The following SLC23A2 variants were observed in gnomAD, a reference collection of about 807,000 sequenced individuals.
SLC23A2 encodes the protein Na(+)/L-ascorbic acid transporter 2.
SLC23A2 carries 36 observed loss-of-function variants against 73.3 expected under a neutral mutation model. That is an observed-to-expected ratio of 0.49 (90% confidence interval 0.38 to 0.65). The LOEUF (loss-of-function observed/expected upper bound fraction) is 0.65. Ranked by LOEUF, SLC23A2 falls within the 30% of genes least tolerant of loss-of-function variation. The probability of loss-of-function intolerance (pLI) is 0.00; values close to 1 mark genes in which losing one functional copy is unlikely to be tolerated. For missense variants in SLC23A2, 507 were observed against 841.6 expected (o/e 0.60, Z 4.92); for synonymous variants, 343 against 327.3 (o/e 1.05, Z -0.52).
intron 11 of SLC23A2, among the ~76,000 whole-genome samples, chr20:4,873,358 C>T (rs748898685): frequency 3.9e-5 from 6 of 152,132 alleles, no homozygotes; most frequent in East Asian, 1.9e-4. Flanking sequence ...GGGCCAGCTG[C>T]GAGTCCAGGT....
At chr20:5,008,130 G>C (rs180983862) in intron 1 of SLC23A2, among the ~76,000 whole-genome samples, 29 of 152,006 alleles carry the variant, frequency 1.9e-4, no homozygotes, top group Non-Finnish European at 3.8e-4. Context: ...GGCTGCTCTC[G>C]AACTCCTGAC....
intron 6 of SLC23A2, among the ~76,000 whole-genome samples, chr20:4,888,195 T>G (rs1411054589): frequency 6.6e-6 from 1 of 152,218 alleles, no homozygotes; most frequent in Non-Finnish European, 1.5e-5. Flanking sequence ...AACCAGCCAG[T>G]GGGCCAAACC....
At chr20:4,930,882 G>A (rs1481124523) in intron 3 of SLC23A2, among the ~76,000 whole-genome samples, 1 of 151,644 alleles carries the variant, frequency 6.6e-6, no homozygotes, top group East Asian at 1.9e-4. Flanking sequence ...AACTACTCAA[G>A]AGTCTAAGTC....
intron 3 of SLC23A2, among the ~76,000 whole-genome samples, chr20:4,919,321 G>A (rs1932427627): frequency 6.6e-6 from 1 of 152,156 alleles, no homozygotes; most frequent in South Asian, 2.1e-4. Flanking sequence ...GATGCTGCTG[G>A]ATGGCTCAGC....
At chr20:4,940,160 A>C (rs1463015549) in intron 2 of SLC23A2, among the ~76,000 whole-genome samples, 1 of 152,098 alleles carries the variant, frequency 6.6e-6, no homozygotes, top group Non-Finnish European at 1.5e-5. Flanking sequence ...TCTACCAAAA[A>C]TACAAAAAAT....
chr20:4,980,653 C>T (rs1157580135), intron 1 of SLC23A2, among the ~76,000 whole-genome samples: 1 of 151,726 alleles, frequency 6.6e-6, no homozygotes, highest in Admixed American at 6.6e-5. Flanking sequence ...GTGTCAGCTT[C>T]CCTAATAGCT....
intron 1 of SLC23A2, among the ~76,000 whole-genome samples, chr20:4,986,689 C>CACACAGAG (rs71197739): frequency 0.022 from 2,815 of 129,552 alleles, 33 homozygotes; most frequent in Admixed American, 0.029. Flanking sequence ...CACACACACA[C>CACACAGAG]AGAGATGAAT....
chr20:4,857,447 A>G lies in SLC23A2; in HGVS notation c.1721-243T>C, dbSNP rs1929771959. On this transcript the variant is annotated intron_variant, in intron 16 of 16. Transcript: ENST00000338244. This position sits in a 1 kb window ranked among gnomAD's most constrained non-coding sequence, Gnocchi z 4.0. Reference sequence around the variant, plus strand: ...AAGTCTAAGAAGCACTAACCCCTCCATGTCCTCATTCAAGCAATCACCTAA... The same window carrying G: ...AAGTCTAAGAAGCACTAACCCCTCCGTGTCCTCATTCAAGCAATCACCTAA... Among the ~76,000 whole-genome samples, 1 of 152,150 alleles carries G rather than the reference A, an allele frequency of 6.6e-6. No individual in the cohort carries two copies. Among genetic ancestry groups the G allele is most frequent in the Non-Finnish European group, 1.5e-5 (1 of 68,024 alleles).
chr20:4,921,408 C>A (rs1470468475), intron 3 of SLC23A2, among the ~76,000 whole-genome samples: 2 of 151,946 alleles, frequency 1.3e-5, no homozygotes, highest in East Asian at 3.9e-4. Flanking sequence ...ATGGCAAAAC[C>A]CCATTCCTAC....
chr20:4,890,821 A>G (rs983539850), intron 6 of SLC23A2, among the ~76,000 whole-genome samples: 2 of 152,206 alleles, frequency 1.3e-5, no homozygotes, highest in African/African-American at 2.4e-5. Context: ...GATTGTACAC[A>G]TGGGTATAAG....
intron 2 of SLC23A2, among the ~76,000 whole-genome samples, chr20:4,941,348 G>T (rs2087038140): frequency 6.6e-6 from 1 of 152,034 alleles, no homozygotes; most frequent in South Asian, 2.1e-4. Context: ...GGGCAACATA[G>T]TAAGATTCCA....
In SLC23A2 at chr20:4,862,715, AC is replaced by A; in HGVS notation, c.1486+62del. On this transcript the variant is annotated intron_variant, in intron 14 of 16. Coordinates refer to ENST00000338244, the MANE Select transcript of SLC23A2 (RefSeq NM_005116.6). The surrounding 1 kb of genome is among the most constrained non-coding windows in gnomAD (Gnocchi z 5.1). ...TTCTTACTGAAGGGAGTCAGCAAAA[AC>A]ACCATGACCCCTATTAAAAATTTGG... is the stretch of plus-strand genomic sequence containing the variant. 1 of 1,476,080 alleles carries A rather than the reference AC, an allele frequency of 6.8e-7. No individual in the cohort carries two copies. Among genetic ancestry groups the A allele is most frequent in the Non-Finnish European group, 9.3e-7 (1 of 1,079,600 alleles). 91.4% of individuals were successfully genotyped at this position (1,476,080 alleles called of 1,614,324 possible).
At chr20:4,974,772 A>C (rs1409681826) in intron 1 of SLC23A2, among the ~76,000 whole-genome samples, 1 of 152,048 alleles carries the variant, frequency 6.6e-6, no homozygotes, top group Non-Finnish European at 1.5e-5. Flanking sequence ...TTTGGGGGGA[A>C]AGCTATTTTT....
chr20:4,912,992 C>T lies in SLC23A2; in HGVS notation c.109-14G>A. The stretch of plus-strand genomic sequence containing the variant: ...ATTTATCACCACCTGCAGAGACAAT[C>T]CACTTAGAGGCTGTTTCAGCGTGAA... On this transcript the variant is annotated splice_polypyrimidine_tract_variant and intron_variant, in intron 3 of 16. Transcript: ENST00000338244. 1.3e-6 allele frequency: 2 copies of T among 1,568,014 alleles called. No individual in the cohort carries two copies. Among genetic ancestry groups the T allele is most frequent in the Non-Finnish European group, 1.8e-6 (2 of 1,139,522 alleles).
At chr20:4,992,354 G>A (rs914566135) in intron 1 of SLC23A2, among the ~76,000 whole-genome samples, 3 of 151,680 alleles carry the variant, frequency 2.0e-5, no homozygotes, top group Non-Finnish European at 2.9e-5. Flanking sequence ...AACTAGAGGG[G>A]ACAAATAATC....
chr20:4,995,321 T>A (rs975784317), intron 1 of SLC23A2, among the ~76,000 whole-genome samples: 3 of 152,174 alleles, frequency 2.0e-5, no homozygotes, highest in African/African-American at 4.8e-5. Flanking sequence ...GAGACGGTCC[T>A]GCTCCCATTC....
At chr20:4,906,637 CAACAAAAAACCAAAA>C in intron 4 of SLC23A2, among the ~76,000 whole-genome samples, 1 of 152,082 alleles carries the variant, frequency 6.6e-6, no homozygotes. Context: ...CAAAACAAAA[CAACAAAAAACCAAAA>C]AACAAAAAAC....
chr20:4,954,138 T>C (rs574636752), intron 2 of SLC23A2, among the ~76,000 whole-genome samples: 2 of 152,096 alleles, frequency 1.3e-5, no homozygotes, highest in South Asian at 2.1e-4. Context: ...TGGCTAGAAA[T>C]AGAGAAGAAA....
intron 6 of SLC23A2, among the ~76,000 whole-genome samples, chr20:4,896,118 G>A (rs905946041): frequency 1.3e-5 from 2 of 152,156 alleles, no homozygotes; most frequent in African/African-American, 2.4e-5. Flanking sequence ...GGGGATGAGA[G>A]AAGAGGAGAC....
Sources: allele counts gnomAD v4.1 joint callset (sites outside exome capture counted in the v4.1 genomes callset), GRCh38; gene constraint gnomAD v4.1.1; non-coding constraint Gnocchi (gnomAD v3.1); transcripts MANE v1.5; gene names NCBI Gene and HGNC (gene_info 2026-07-23, HGNC 2026-07-21).